SLC24A2: variants seen among roughly 807,000 people sequenced by gnomAD.
SLC24A2 encodes the protein solute carrier family 24 member 2.
A neutral mutation model predicts 62.0 loss-of-function variants in SLC24A2; 36 were observed. That is an observed-to-expected ratio of 0.58 (90% CI 0.44 to 0.77). The LOEUF (loss-of-function observed/expected upper bound fraction) is 0.77, where lower values mean the gene tolerates loss of function less well. Ranked by LOEUF, SLC24A2 falls within the 30% of genes least tolerant of loss-of-function variation. The pLI, the probability that SLC24A2 is intolerant of heterozygous loss-of-function variation, is 0.00. For missense variants in SLC24A2, 846 were observed against 817.9 expected, an observed-to-expected ratio of 1.03 and a Z score of -0.42; for synonymous variants, 358 against 294.0, an observed-to-expected ratio of 1.22 and a Z score of -2.23.
chr9:19,984,153 A>C, the SLC24A2 span, among the ~76,000 whole-genome samples: 1 of 152,206 alleles, frequency 6.6e-6, no homozygotes, highest in African/African-American at 2.4e-5. Flanking sequence ...TATTGCTAAG[A>C]TGGAATACTA....
At chr9:19,584,289 AAAAACAAAC>A (rs1187020857) in intron 5 of SLC24A2, among the ~76,000 whole-genome samples, 2 of 150,292 alleles carry the variant, frequency 1.3e-5, no homozygotes, top group African/African-American at 4.9e-5. Flanking sequence ...AAAAAAAAAA[AAAAACAAAC>A]AAAAAACAAA....
the SLC24A2 span, among the ~76,000 whole-genome samples, chr9:19,847,338 A>G: frequency 6.6e-6 from 1 of 152,220 alleles, no homozygotes; most frequent in Non-Finnish European, 1.5e-5. Context: ...TCCAAAGAAT[A>G]AATTGCATTA....
At chr9:19,625,882 T>A (rs1818022533) in intron 2 of SLC24A2, among the ~76,000 whole-genome samples, 1 of 151,928 alleles carries the variant, frequency 6.6e-6, no homozygotes, top group Admixed American at 6.6e-5. Flanking sequence ...AGACAGGGTT[T>A]TGCTATGTTG....
chr9:20,075,287 G>A, the SLC24A2 span, among the ~76,000 whole-genome samples: 2 of 152,028 alleles, frequency 1.3e-5, no homozygotes, highest in Non-Finnish European at 2.9e-5. Context: ...CTAATCCTTG[G>A]GACAAATCTC....
chr9:19,684,305 A>G (rs1340973577), intron 2 of SLC24A2, among the ~76,000 whole-genome samples: 2 of 152,118 alleles, frequency 1.3e-5, no homozygotes. Flanking sequence ...ACTGAAGGAC[A>G]TCCTCTTTCC....
chr9:19,823,438 TTAATAA>T, the SLC24A2 span, among the ~76,000 whole-genome samples: 2 of 152,048 alleles, frequency 1.3e-5, no homozygotes, highest in Non-Finnish European at 2.9e-5. Context: ...ATTTTCTTAC[TTAATAA>T]TAATCACAGT....
chr9:19,912,830 T>G, the SLC24A2 span, among the ~76,000 whole-genome samples: 1 of 152,170 alleles, frequency 6.6e-6, no homozygotes. Flanking sequence ...TTCTCTATTT[T>G]GTCCCAAAAT....
chr9:19,916,981 G>GTTTTTTTTTTTTTTTTTTTT, the SLC24A2 span, among the ~76,000 whole-genome samples: 9 of 72,012 alleles, frequency 1.2e-4, no homozygotes, highest in African/African-American at 2.2e-4. Context: ...TAACTTACCT[G>GTTTTTTTTTTTTTTTTTTTT]TTTTTTTTTT....
the SLC24A2 span, among the ~76,000 whole-genome samples, chr9:19,956,294 T>G: frequency 6.6e-6 from 1 of 152,198 alleles, no homozygotes; most frequent in African/African-American, 2.4e-5. Context: ...TTGTTAATGC[T>G]CACAATGATA....
At chr9:19,767,144 C>T (rs762435163) in intron 2 of SLC24A2, among the ~76,000 whole-genome samples, 19 of 152,148 alleles carry the variant, frequency 1.2e-4, no homozygotes, top group Non-Finnish European at 1.6e-4. Flanking sequence ...ACCCCTCCCC[C>T]GATCAAGCTC....
chr9:20,190,246 A>G, the SLC24A2 span, among the ~76,000 whole-genome samples: 338 of 152,280 alleles, frequency 2.2e-3, 1 homozygote, highest in Non-Finnish European at 3.5e-3. Context: ...GGAAGGGACT[A>G]TGCCAGGGCA....
the SLC24A2 span, among the ~76,000 whole-genome samples, chr9:20,243,849 C>A: frequency 6.6e-6 from 1 of 152,050 alleles, no homozygotes; most frequent in Non-Finnish European, 1.5e-5. Flanking sequence ...TGGCTCCAGG[C>A]CAGTGTGACA....
At chr9:19,775,054 G>A (rs983825391) in intron 2 of SLC24A2, among the ~76,000 whole-genome samples, 18 of 152,210 alleles carry the variant, frequency 1.2e-4, no homozygotes, top group Admixed American at 3.3e-4. Context: ...TGTCTGGGAT[G>A]AAAGGGACTT....
chr9:20,141,062 G>A, the SLC24A2 span, among the ~76,000 whole-genome samples: 2 of 151,982 alleles, frequency 1.3e-5, no homozygotes, highest in Admixed American at 6.6e-5. Flanking sequence ...TTATGGCTTT[G>A]GGAGCAGCAA....
chr9:19,719,807 T>C (rs1315176216), intron 2 of SLC24A2, among the ~76,000 whole-genome samples: 1 of 152,196 alleles, frequency 6.6e-6, no homozygotes, highest in South Asian at 2.1e-4. Flanking sequence ...TGAATCATGC[T>C]CTCTTTGGGT....
chr9:20,181,418 G>A, the SLC24A2 span, among the ~76,000 whole-genome samples: 1 of 152,118 alleles, frequency 6.6e-6, no homozygotes, highest in Non-Finnish European at 1.5e-5. Context: ...AAACGGCATG[G>A]TACTGGTACC....
At chr9:19,723,600 A>G (rs766342401) in intron 2 of SLC24A2, among the ~76,000 whole-genome samples, 1 of 152,170 alleles carries the variant, frequency 6.6e-6, no homozygotes, top group Non-Finnish European at 1.5e-5. Flanking sequence ...GTATAACACT[A>G]GAAGGGACTC....
At chr9:19,988,493 T>G in the SLC24A2 span, among the ~76,000 whole-genome samples, 1 of 152,204 alleles carries the variant, frequency 6.6e-6, no homozygotes, top group Admixed American at 6.5e-5. Flanking sequence ...AAGTTTCGAC[T>G]GGCACAATCA....
At chr9:19,647,377 T>C (rs1414174978) in intron 2 of SLC24A2, among the ~76,000 whole-genome samples, 1 of 152,212 alleles carries the variant, frequency 6.6e-6, no homozygotes, top group Non-Finnish European at 1.5e-5. Flanking sequence ...ACTGGAAATT[T>C]TGGCCAAAGA....
Sources: gnomAD v4.1 joint callset for allele counts (sites outside exome capture counted in the v4.1 genomes callset) on GRCh38, gnomAD v4.1.1 for gene constraint, MANE v1.5 for transcripts, NCBI Gene and HGNC (gene_info 2026-07-23, HGNC 2026-07-21) for gene names.